The following TMEM255B variants were observed in gnomAD, a reference collection of about 807,000 sequenced individuals.
The protein encoded by TMEM255B is family with sequence similarity 70, member B.
A neutral mutation model predicts 34.5 loss-of-function variants in TMEM255B; 35 were observed. The observed-to-expected ratio is 1.01, with a 90% confidence interval of 0.77 to 1.34. TMEM255B has a LOEUF of 1.34. Among genes scored for constraint, TMEM255B ranks in the 40% most tolerant of loss-of-function variants. TMEM255B has a pLI of 0.00. For missense variants in TMEM255B, 432 were observed against 433.2 expected (o/e 1.00, Z 0.02); for synonymous variants, 206 against 201.2 (o/e 1.02, Z -0.20).
chr13:113,761,304 G>A (rs8000130), intron 1 of TMEM255B: 53,891 of 985,168 alleles, frequency 0.055, 1,748 homozygotes, highest in South Asian at 0.15. Flanking sequence ...AAATGGGTCT[G>A]AGGGGCAGGA....
rs959250882 is a variant in TMEM255B at position 113,769,971 on chromosome 13, C to T, written c.252+811C>T. 1.3e-5 allele frequency among the ~76,000 whole-genome samples: 2 copies of T among 152,068 alleles called. No individual in the cohort carries two copies. Among genetic ancestry groups the T allele is most frequent in the African/African-American group, 4.8e-5 (2 of 41,416 alleles). On this transcript the variant is annotated intron_variant, in intron 3 of 8. Transcript: ENST00000375353. This position sits in a 1 kb window ranked among gnomAD's most constrained non-coding sequence, Gnocchi z 4.2. The stretch of plus-strand genomic sequence containing the variant: ...CATCCAGCGTGCAAATGACCTGTGT[C>T]GGGCCCCCAACCCCTGCCTGTTCCC...
At chr13:113,798,926 G>A (rs2050992363) in intron 4 of TMEM255B, among the ~76,000 whole-genome samples, 1 of 152,192 alleles carries the variant, frequency 6.6e-6, no homozygotes, top group East Asian at 1.9e-4. Context: ...GGAGGGATGA[G>A]TTTATTGGTC....
At chr13:113,807,118 G>A (rs1050753511) in intron 8 of TMEM255B, among the ~76,000 whole-genome samples, 3 of 152,176 alleles carry the variant, frequency 2.0e-5, no homozygotes, top group African/African-American at 7.2e-5. Flanking sequence ...AGCTCTGGCT[G>A]TGAGGGGCCC....
chr13:113,765,488 A>G (rs1292696979), intron 1 of TMEM255B, among the ~76,000 whole-genome samples: 8 of 152,170 alleles, frequency 5.3e-5, no homozygotes, highest in Non-Finnish European at 1.0e-4. Context: ...GCACTTACAC[A>G]TGTGCACACA....
Position 113,811,969 on chromosome 13 carries a change from T to C in TMEM255B, c.*66T>C. On this transcript the variant is annotated 3_prime_UTR_variant, in exon 9 of 9. Transcript: ENST00000375353. ...TTAAAAAAAAGGCAGCCTCTAGAAA[T>C]CCCGCTTCTGTGGCCAACCTCCTAG... 6.6e-7 allele frequency: 1 copy of C among 1,516,402 alleles called. No individual in the cohort carries two copies. Among genetic ancestry groups the C allele is most frequent in the Middle Eastern group, 2.1e-4 (1 of 4,802 alleles). The allele number at this position is 1,516,402 out of a possible 1,614,324, so 93.9% of individuals were successfully genotyped here.
chr13:113,770,982 C>T lies in TMEM255B; in HGVS notation c.252+1822C>T, dbSNP rs1187844464. Among the ~76,000 whole-genome samples, 1 of 152,064 alleles carries T rather than the reference C, an allele frequency of 6.6e-6. No individual in the cohort carries two copies. The highest frequency in any genetic ancestry group is 1.5e-5 in the Non-Finnish European group (1 of 68,004). ...GACAGTGTGGGTCTGTTTTTCTTTC[C>T]TTTTAAAAAAATGGCTTTAATGAGA... On this transcript the variant is annotated intron_variant, in intron 3 of 8. Coordinates refer to ENST00000375353, the MANE Select transcript of TMEM255B (RefSeq NM_182614.4). The surrounding 1 kb of genome is among the most constrained non-coding windows in gnomAD (Gnocchi z 4.6).
At chr13:113,776,606 G>GT (rs1468246940) in intron 3 of TMEM255B, among the ~76,000 whole-genome samples, 2 of 152,176 alleles carry the variant, frequency 1.3e-5, no homozygotes, top group Non-Finnish European at 2.9e-5. Flanking sequence ...CAGGACGCCT[G>GT]TTTTTTTCTG....
intron 2 of TMEM255B, among the ~76,000 whole-genome samples, chr13:113,767,080 T>C (rs7399469): frequency 0.52 from 78,492 of 152,084 alleles, 21,404 homozygotes; most frequent in South Asian, 0.79. Flanking sequence ...AGCAAGATTT[T>C]AAAATGCGGC....
intron 3 of TMEM255B, among the ~76,000 whole-genome samples, chr13:113,772,289 T>G (rs1469322273): frequency 6.6e-6 from 1 of 152,262 alleles, no homozygotes; most frequent in Middle Eastern, 3.2e-3. Context: ...TTCTGTACAT[T>G]GCCGTTTCAC....
At chr13:113,791,173 C>T (rs537626413) in intron 3 of TMEM255B, among the ~76,000 whole-genome samples, 2 of 152,312 alleles carry the variant, frequency 1.3e-5, no homozygotes, top group South Asian at 4.1e-4. Flanking sequence ...TGGGTTGCAG[C>T]AGGTTCCTGG....
At chr13:113,778,219 C>T (rs2050610671) in intron 3 of TMEM255B, among the ~76,000 whole-genome samples, 1 of 152,194 alleles carries the variant, frequency 6.6e-6, no homozygotes, top group Non-Finnish European at 1.5e-5. Flanking sequence ...TGATTTTGGA[C>T]AGGGGTGGAG....
rs114430454 is a variant in TMEM255B at position 113,806,897 on chromosome 13, T to C, written c.813+1869T>C. ...CCTGCAGGTGCTCCCCAAGCGGCTCTACACAGACACAGACTTGGAATCGCA... is the reference window on the plus strand; with the variant it reads ...CCTGCAGGTGCTCCCCAAGCGGCTCCACACAGACACAGACTTGGAATCGCA... On this transcript the variant is annotated intron_variant, in intron 8 of 8. Coordinates refer to ENST00000375353, the MANE Select transcript of TMEM255B (RefSeq NM_182614.4). This position sits in a 1 kb window ranked among gnomAD's most constrained non-coding sequence, Gnocchi z 4.2. Among the ~76,000 whole-genome samples the C allele has an allele frequency of 0.017, 2,661 of 152,222 alleles. 97 individuals are homozygous for C. The highest frequency in any genetic ancestry group is 0.06 in the African/African-American group (2,471 of 41,506).
At chr13:113,804,305 G>A (rs2051122286) in intron 7 of TMEM255B, among the ~76,000 whole-genome samples, 1 of 152,206 alleles carries the variant, frequency 6.6e-6, no homozygotes, top group Non-Finnish European at 1.5e-5. Flanking sequence ...GCATTCCCCA[G>A]AAACCCCACG....
chr13:113,800,442 C>T (rs2051031530), intron 5 of TMEM255B, among the ~76,000 whole-genome samples: 1 of 151,964 alleles, frequency 6.6e-6, no homozygotes, highest in South Asian at 2.1e-4. Flanking sequence ...GGAGAGCGCC[C>T]TGGGACGGGG....
intron 3 of TMEM255B, among the ~76,000 whole-genome samples, chr13:113,786,445 T>A (rs2050743180): frequency 6.6e-6 from 1 of 150,666 alleles, no homozygotes. Flanking sequence ...TCATCACTGT[T>A]GTCATCACCA....
At chr13:113,790,917 A>G (rs968616087) in intron 3 of TMEM255B, among the ~76,000 whole-genome samples, 3 of 152,246 alleles carry the variant, frequency 2.0e-5, no homozygotes, top group Non-Finnish European at 2.9e-5. Flanking sequence ...TACCTTTCAC[A>G]CTGAAAGAGC....
intron 8 of TMEM255B, among the ~76,000 whole-genome samples, chr13:113,808,450 C>T (rs567744511): frequency 6.6e-6 from 1 of 152,184 alleles, no homozygotes; most frequent in Non-Finnish European, 1.5e-5. Flanking sequence ...GTGGTTAACC[C>T]CGTGGTCCCA....
chr13:113,783,750 G>T (rs889554102), intron 3 of TMEM255B, among the ~76,000 whole-genome samples: 2 of 152,110 alleles, frequency 1.3e-5, no homozygotes, highest in African/African-American at 4.8e-5. Context: ...AGGCTTGGGG[G>T]TAGGAGGGGC....
chr13:113,775,300 A>G (rs956155433), intron 3 of TMEM255B, among the ~76,000 whole-genome samples: 1 of 152,210 alleles, frequency 6.6e-6, no homozygotes, highest in African/African-American at 2.4e-5. Flanking sequence ...TAAGTGCTGG[A>G]GGGTGAGGTC....
Sources: gnomAD v4.1 joint callset for allele counts (sites outside exome capture counted in the v4.1 genomes callset) on GRCh38, gnomAD v4.1.1 for gene constraint, Gnocchi (gnomAD v3.1) non-coding constraint, MANE v1.5 for transcripts, NCBI Gene and HGNC (gene_info 2026-07-23, HGNC 2026-07-21) for gene names.